The following SDK2 variants were observed in gnomAD, a reference collection of about 807,000 sequenced individuals.
SDK2 encodes sidekick cell adhesion molecule 2.
A neutral mutation model predicts 253.9 loss-of-function variants in SDK2; 105 were observed. That is an observed-to-expected ratio of 0.41 (90% CI 0.35 to 0.49). The LOEUF is 0.49. Ranked by LOEUF, SDK2 falls within the 20% of genes least tolerant of loss-of-function variation. The pLI, the probability that SDK2 is intolerant of heterozygous loss-of-function variation, is 0.06. For synonymous variants in SDK2, 1,249 were observed against 1,234.9 expected (o/e 1.01, Z -0.24); for missense variants, 2,608 against 3,003.0 (o/e 0.87, Z 3.07).
chr17:73,398,417 C>T lies in SDK2; in HGVS notation c.3106G>A (p.Gly1036Arg), dbSNP rs2062990772. Residue 1036 changes from glycine to arginine, a missense_variant, in exon 23 of 45, where the codon GGG becomes AGG. Around this residue, in one of 2 missense-constraint regions of SDK2, gnomAD observed 1,505 missense variants for 1,859.1 expected, o/e 0.81. Transcript: ENST00000392650. ...WLVEAQVGVVGEGEEWLLIHQ... is the reference protein window; with the variant it reads ...WLVEAQVGVVREGEEWLLIHQ... ...ATCAGCAACCACTCCTCTCCCTCCCCAACCACGCCTACCTGGAAAAGGGCA... is the reference window on the plus strand; with the variant it reads ...ATCAGCAACCACTCCTCTCCCTCCCTAACCACGCCTACCTGGAAAAGGGCA... 6.2e-7 allele frequency: 1 copy of T among 1,613,822 alleles called. No individual in the cohort carries two copies. The highest frequency in any genetic ancestry group is 8.5e-7 in the Non-Finnish European group (1 of 1,179,740).
intron 1 of SDK2, among the ~76,000 whole-genome samples, chr17:73,605,177 G>A (rs541207795): frequency 6.6e-6 from 1 of 152,328 alleles, no homozygotes; most frequent in South Asian, 2.1e-4. Context: ...CAGGCAATGA[G>A]GTGGGGGAAA....
chr17:73,411,395 AG>A (rs1485311032), intron 18 of SDK2, among the ~76,000 whole-genome samples: 1 of 152,192 alleles, frequency 6.6e-6, no homozygotes, highest in Non-Finnish European at 1.5e-5. Context: ...AGAGGGGTGC[AG>A]GAACCTTCGG....
In SDK2 at chr17:73,436,588, A is replaced by AAAT. The variant is rs1555578364; in HGVS notation, c.1001-945_1001-944insATT. Among the ~76,000 whole-genome samples the AAAT allele has an allele frequency of 1.0e-3, 147 of 141,984 alleles. 1 individual carries two copies. Among genetic ancestry groups the AAAT allele is most frequent in the Middle Eastern group, 3.6e-3 (1 of 274 alleles). The allele number at this position is 141,984 out of a possible 152,430, so 93.1% of individuals were successfully genotyped here. On this transcript the variant is annotated intron_variant, in intron 8 of 44. Coordinates refer to ENST00000392650, the MANE Select transcript of SDK2 (RefSeq NM_001144952.2). ...TGAGACTCAGTCTCAAAAAAAAAAA[A>AAAT]AAAAAAAAAAAAAAGACTTCCCCAG...
rs1173514572 is a variant in SDK2 at position 73,612,582 on chromosome 17, C to T, written c.64+31443G>A. On this transcript the variant is annotated intron_variant, in intron 1 of 44. Coordinates refer to ENST00000392650, the MANE Select transcript of SDK2 (RefSeq NM_001144952.2). This position sits in a 1 kb window ranked among gnomAD's most constrained non-coding sequence, Gnocchi z 4.4. ...TTCTGACCCCTTCAGAACTTGGGGGCGGTGGCAAAATGAGAAGCCCAGAGA... is the reference window on the plus strand; with the variant it reads ...TTCTGACCCCTTCAGAACTTGGGGGTGGTGGCAAAATGAGAAGCCCAGAGA... 3.3e-5 allele frequency among the ~76,000 whole-genome samples: 5 copies of T among 152,128 alleles called. No homozygotes were observed. The highest frequency in any genetic ancestry group is 2.1e-4 in the South Asian group (1 of 4,816).
At chr17:73,577,192 T>C (rs1316152615) in intron 1 of SDK2, among the ~76,000 whole-genome samples, 1 of 151,886 alleles carries the variant, frequency 6.6e-6, no homozygotes, top group East Asian at 1.9e-4. Context: ...CACAGAAGAG[T>C]GAAGGAATTT....
chr17:73,419,094 C>T, intron 16 of SDK2, 72 bp downstream of exon 16: 3 of 1,536,170 alleles, frequency 2.0e-6, no homozygotes, highest in Non-Finnish European at 2.7e-6. Flanking sequence ...CACTGTTTTC[C>T]AGTCCACTCC....
chr17:73,454,910 C>T (rs1241886278), intron 4 of SDK2, among the ~76,000 whole-genome samples: 3 of 152,156 alleles, frequency 2.0e-5, no homozygotes, highest in Non-Finnish European at 2.9e-5. Flanking sequence ...TGCCACGTTG[C>T]TCAGGCTGGT....
intron 1 of SDK2, among the ~76,000 whole-genome samples, chr17:73,533,269 T>C (rs887488091): frequency 6.6e-6 from 1 of 152,128 alleles, no homozygotes; most frequent in African/African-American, 2.4e-5. Flanking sequence ...AGGACACAGG[T>C]GGGCGTGCAG....
chr17:73,349,780 C>T (rs954952916), intron 43 of SDK2, among the ~76,000 whole-genome samples: 1 of 152,126 alleles, frequency 6.6e-6, no homozygotes, highest in African/African-American at 2.4e-5. Flanking sequence ...GAGGGCATAG[C>T]GATAATGCGG....
intron 1 of SDK2, among the ~76,000 whole-genome samples, chr17:73,610,064 C>T (rs2045954475): frequency 6.6e-6 from 1 of 152,198 alleles, no homozygotes. Context: ...ATGGGGAAGA[C>T]ACCCCGTCTT....
rs549814455 is a variant in SDK2, at chr17:73,595,742, C to T, written c.64+48283G>A. Among the ~76,000 whole-genome samples, 19 of 152,226 alleles carry T rather than the reference C, an allele frequency of 1.2e-4. No homozygotes were observed. In the East Asian group the frequency reaches 3.7e-3, roughly 29 times the overall value. ...AGTTTGGAGGGGGGCCTGGTGGGGGCAGTGTCAGTTCAAGGCTGGCATCCA... is the reference window on the plus strand; with the variant it reads ...AGTTTGGAGGGGGGCCTGGTGGGGGTAGTGTCAGTTCAAGGCTGGCATCCA... On this transcript the variant is annotated intron_variant, in intron 1 of 44. Transcript: ENST00000392650.
At chr17:73,470,612 G>A (rs1368184804) in intron 3 of SDK2, among the ~76,000 whole-genome samples, 2 of 152,230 alleles carry the variant, frequency 1.3e-5, no homozygotes, top group East Asian at 1.9e-4. Flanking sequence ...TTGAGTTGCC[G>A]TTAGTGCTGA....
At chr17:73,613,177 G>T (rs1599726282) in intron 1 of SDK2, among the ~76,000 whole-genome samples, 1 of 152,176 alleles carries the variant, frequency 6.6e-6, no homozygotes, top group East Asian at 1.9e-4. Flanking sequence ...CCGGGTTAGA[G>T]ACAGCAAGAC....
At chr17:73,425,048 T>C (rs533827495) in intron 12 of SDK2, among the ~76,000 whole-genome samples, 5 of 152,288 alleles carry the variant, frequency 3.3e-5, no homozygotes, top group Non-Finnish European at 7.4e-5. Context: ...GGCAAAACCC[T>C]GTCTCTACTA....
chr17:73,350,818 G>A (rs1342773532), intron 41 of SDK2, 28 bp from the exon 42 acceptor site: 3 of 1,580,728 alleles, frequency 1.9e-6, no homozygotes, highest in Non-Finnish European at 2.6e-6. Context: ...AGGTATATAG[G>A]GTGCTCAGCC....
rs1105353 is a variant in SDK2, at chr17:73,430,517, G to T, written c.1577C>A (p.Thr526Asn). The change falls in exon 12 of 45, where the codon ACC (threonine) becomes AAC (asparagine). Residue 526 changes from threonine to asparagine, a missense_variant. Physicochemically the swap from Thr to Asn is moderately conservative, Grantham distance 65 (BLOSUM62 0). Around this residue, in one of 2 missense-constraint regions of SDK2, gnomAD observed 1,505 missense variants for 1,859.1 expected, o/e 0.81. Transcript: ENST00000392650. ...VCGVTHDPRVTIRYIWEKDGA... is the reference protein window; with the variant it reads ...VCGVTHDPRVNIRYIWEKDGA... ...TCAACAGCAGAGCCAGTACCTGATG[G>T]TTACTCGGGGGTCGTGGGTCACTCC... 404,650 of 1,598,098 alleles carry T rather than the reference G, an allele frequency of 0.25. 55,673 individuals carry two copies. The highest frequency in any genetic ancestry group is 0.28 in the Non-Finnish European group (327,733 of 1,169,156).
At chr17:73,425,096 T>C (rs971570848) in intron 12 of SDK2, among the ~76,000 whole-genome samples, 2 of 152,106 alleles carry the variant, frequency 1.3e-5, no homozygotes, top group African/African-American at 4.8e-5. Flanking sequence ...GGCCAGTGCC[T>C]GTAATCCCAG....
chr17:73,385,847 C>G lies in SDK2; in HGVS notation c.4569G>C (p.Gln1523His). 1 of 1,605,474 alleles carries G rather than the reference C, an allele frequency of 6.2e-7. No individual in the cohort carries two copies. Among genetic ancestry groups the G allele is most frequent in the Non-Finnish European group, 8.5e-7 (1 of 1,176,730 alleles). The change falls in exon 32 of 45, where the codon CAG becomes CAC. Residue 1523 changes from glutamine to histidine, a missense_variant and splice_region_variant. This residue lies in a region of SDK2 where 1,103 missense variants were observed against 1,143.9 expected (regional missense o/e 0.96). Transcript: ENST00000392650. ...HTTTSVLIRW[Q>H]PPAEDKINGI... ...AGGTTTCCTGCCCGCTGGGCCATAC[C>G]TGCCATCGGATTAGCACGGAGGTGG...
chr17:73,340,540 G>C (rs1400556542), intron 44 of SDK2, among the ~76,000 whole-genome samples: 2 of 152,086 alleles, frequency 1.3e-5, no homozygotes, highest in Non-Finnish European at 2.9e-5. Context: ...TTACCATCTT[G>C]GTCCAGCTTC....
Sources: allele counts gnomAD v4.1 joint callset (sites outside exome capture counted in the v4.1 genomes callset), GRCh38; gene constraint gnomAD v4.1.1; regional missense constraint gnomAD v4.1.1; non-coding constraint Gnocchi (gnomAD v3.1); transcripts MANE v1.5; gene names NCBI Gene and HGNC (gene_info 2026-07-23, HGNC 2026-07-21).